TNS1: variants seen among roughly 807,000 people sequenced by gnomAD.
TNS1 encodes tensin-1.
In TNS1, 62 loss-of-function variants were observed where a neutral mutation model predicts 168.6. That is an observed-to-expected ratio of 0.37 (90% CI 0.30 to 0.45). The LOEUF (loss-of-function observed/expected upper bound fraction) is 0.45. Among genes scored for constraint, TNS1 ranks in the 20% least tolerant of loss-of-function variants. The probability of loss-of-function intolerance (pLI) is 1.00; values close to 1 mark genes in which losing one functional copy is unlikely to be tolerated. For missense variants in TNS1, 2,240 were observed against 2,339.4 expected, an observed-to-expected ratio of 0.96 and a Z score of 0.88; for synonymous variants, 934 against 933.2, an observed-to-expected ratio of 1.00 and a Z score of -0.02.
intron 3 of TNS1, among the ~76,000 whole-genome samples, chr2:217,974,728 C>A (rs1957852027): frequency 1.3e-5 from 2 of 152,168 alleles, no homozygotes; most frequent in African/African-American, 4.8e-5. Context: ...GCATTTAATC[C>A]TCTGCAACCC....
intron 18 of TNS1, among the ~76,000 whole-genome samples, chr2:217,867,955 G>C (rs1485022939): frequency 2.0e-5 from 3 of 152,226 alleles, no homozygotes; most frequent in Non-Finnish European, 2.9e-5. Context: ...AACAGGCTCT[G>C]TCAGTTATTT....
chr2:217,882,321 G>A, intron 17 of TNS1, 25 bp downstream of exon 17: 1 of 1,522,668 alleles, frequency 6.6e-7, no homozygotes, highest in Non-Finnish European at 9.1e-7. Context: ...AGGAGTGAGA[G>A]AATGAATTCT....
At chr2:217,888,936 T>C (rs1212117529) in intron 12 of TNS1, among the ~76,000 whole-genome samples, 1 of 152,206 alleles carries the variant, frequency 6.6e-6, no homozygotes, top group Non-Finnish European at 1.5e-5. Context: ...CTACTCAGAC[T>C]CAGAGATGTT....
chr2:217,813,351 C>T lies in TNS1; in HGVS notation c.4862-44G>A. 1 of 1,443,616 alleles carries T rather than the reference C, an allele frequency of 6.9e-7. No individual in the cohort carries two copies. The highest frequency in any genetic ancestry group is 9.5e-7 in the Non-Finnish European group (1 of 1,047,670). 89.4% of individuals were successfully genotyped at this position (1,443,616 alleles called of 1,614,324 possible). On this transcript the variant is annotated intron_variant, in intron 26 of 32. Coordinates refer to ENST00000682258, the MANE Select transcript of TNS1 (RefSeq NM_001387777.1). The surrounding 1 kb of genome is among the most constrained non-coding windows in gnomAD (Gnocchi z 4.0). ...AATAAGGCTCAGTCCCTGCCCATGG[C>T]TTCCTCCCACCACCTCCCAAGACTG...
intron 3 of TNS1, among the ~76,000 whole-genome samples, chr2:217,975,309 C>T (rs960170598): frequency 1.3e-5 from 2 of 152,080 alleles, no homozygotes; most frequent in Admixed American, 6.5e-5. Context: ...CTAAGCCACC[C>T]CCAACATCCT....
intron 3 of TNS1, among the ~76,000 whole-genome samples, chr2:217,951,764 AACACACAC>A (rs747468296): frequency 6.6e-6 from 1 of 151,486 alleles, no homozygotes; most frequent in South Asian, 2.1e-4. Flanking sequence ...AGCTTTATTC[AACACACAC>A]ACACACACAG....
At chr2:217,999,575 G>C (rs1041103690) in intron 1 of TNS1, among the ~76,000 whole-genome samples, 1 of 152,202 alleles carries the variant, frequency 6.6e-6, no homozygotes, top group Non-Finnish European at 1.5e-5. Context: ...TGCAAAAGGA[G>C]AGTCTTATTT....
intron 3 of TNS1, among the ~76,000 whole-genome samples, chr2:217,968,488 A>G (rs1957701201): frequency 6.6e-6 from 1 of 152,206 alleles, no homozygotes; most frequent in Admixed American, 6.5e-5. Flanking sequence ...TATACTGACA[A>G]TGAAAGACCT....
At position 217,837,534 on chromosome 2, in the gene TNS1, C is replaced by T. The variant is rs185716210; in HGVS notation, c.3008-1323G>A. 3.8e-4 allele frequency among the ~76,000 whole-genome samples: 58 copies of T among 152,318 alleles called. No individual in the cohort carries two copies. The East Asian group carries it at 8.5e-3, about 22-fold the overall frequency. On this transcript the variant is annotated intron_variant, in intron 19 of 32. Coordinates refer to ENST00000682258, the MANE Select transcript of TNS1 (RefSeq NM_001387777.1). The stretch of plus-strand genomic sequence containing the variant: ...TCCCATAATCAGGGGCTCCCATAAT[C>T]GGGGGTGGGGGGCGCATCAGGAGAG...
intron 6 of TNS1, among the ~76,000 whole-genome samples, chr2:217,901,313 TG>T (rs1320873969): frequency 1.3e-4 from 20 of 152,194 alleles, no homozygotes; most frequent in African/African-American, 4.6e-4. Flanking sequence ...ACATGTAAAA[TG>T]GGACAACCTT....
intron 18 of TNS1, among the ~76,000 whole-genome samples, chr2:217,854,066 A>G (rs181152527): frequency 1.6e-4 from 24 of 152,346 alleles, no homozygotes; most frequent in African/African-American, 5.0e-4. Context: ...CCCTATCCCC[A>G]GGGACTTCCA....
chr2:217,932,134 G>A (rs1218814565), intron 3 of TNS1, among the ~76,000 whole-genome samples: 1 of 152,118 alleles, frequency 6.6e-6, no homozygotes, highest in Non-Finnish European at 1.5e-5. Flanking sequence ...CCCAAACCTG[G>A]TACCTGGGAG....
intron 8 of TNS1, among the ~76,000 whole-genome samples, chr2:217,896,706 G>A (rs1038621523): frequency 6.6e-6 from 1 of 152,154 alleles, no homozygotes; most frequent in African/African-American, 2.4e-5. Flanking sequence ...TTGGATCTAG[G>A]ACCCCTCCAC....
rs374981803 is a variant in TNS1, at chr2:217,836,070, A to G, written c.3149T>C (p.Val1050Ala). Residue 1050 changes from valine (V) to alanine (A), a missense_variant, in exon 20 of 33, where the codon GTC becomes GCC. Coordinates refer to ENST00000682258, the MANE Select transcript of TNS1 (RefSeq NM_001387777.1). ...SPGVRSPVQC[V>A]SPELALTIAL... ...GATGGTAAGAGCCAGCTCCGGGGAG[A>G]CACACTGGACAGGGGAGCGAACCCC... 1.9e-6 allele frequency: 3 copies of G among 1,613,956 alleles called. No individual in the cohort carries two copies. Among genetic ancestry groups the G allele is most frequent in the Admixed American group, 1.7e-5 (1 of 60,004 alleles).
chr2:218,025,259 T>A (rs1240192083), intron 1 of TNS1, among the ~76,000 whole-genome samples: 1 of 152,194 alleles, frequency 6.6e-6, no homozygotes, highest in Non-Finnish European at 1.5e-5. Context: ...TATTTTATTT[T>A]ATTTTTTGAG....
chr2:218,007,852 T>C (rs981378555), upstream of TNS1, among the ~76,000 whole-genome samples: 1 of 151,974 alleles, frequency 6.6e-6, no homozygotes, highest in African/African-American at 2.4e-5. Flanking sequence ...TCAAGTCCCA[T>C]CCATGCCCTA....
chr2:217,914,307 G>T (rs1480683580), intron 4 of TNS1, among the ~76,000 whole-genome samples: 4 of 152,214 alleles, frequency 2.6e-5, no homozygotes, highest in African/African-American at 7.2e-5. Context: ...GCCTTTCAAA[G>T]TGGGGATTAC....
At position 217,848,357 on chromosome 2, in the gene TNS1, C is replaced by T; in HGVS notation, c.2160G>A (p.Gly720=). ...QEGLAGYQRE[G]PHPAWPQPVT... ...CTGGCTGTGGCCAGGCTGGGTGGGG[C>T]CCCTCCCTCTGGTAGCCAGCTAAAC... The change falls in exon 19 of 33, where the codon GGG becomes GGA. Residue 720 remains glycine, a synonymous_variant. Coordinates refer to ENST00000682258, the MANE Select transcript of TNS1 (RefSeq NM_001387777.1). 6.5e-7 allele frequency: 1 copy of T among 1,540,534 alleles called. No homozygotes were observed. Among genetic ancestry groups the T allele is most frequent in the Non-Finnish European group, 8.8e-7 (1 of 1,141,606 alleles).
rs57512321 is a variant in TNS1 at position 217,880,226 on chromosome 2, T to C, written c.1429+672A>G. Among the ~76,000 whole-genome samples the C allele has an allele frequency of 1.4e-3, 215 of 152,334 alleles. 3 individuals carry two copies. The highest frequency in any genetic ancestry group is 4.8e-3 in the African/African-American group (200 of 41,580). On this transcript the variant is annotated intron_variant, in intron 18 of 32. Coordinates refer to ENST00000682258, the MANE Select transcript of TNS1 (RefSeq NM_001387777.1). The surrounding 1 kb of genome is among the most constrained non-coding windows in gnomAD (Gnocchi z 4.2). ...TAAATAAATAGAATGCATGTAGAACTCTCAAGAGACGACCTGAGTTGCAGT... is the reference window on the plus strand; with the variant it reads ...TAAATAAATAGAATGCATGTAGAACCCTCAAGAGACGACCTGAGTTGCAGT...
Sources: gnomAD v4.1 joint callset for allele counts (sites outside exome capture counted in the v4.1 genomes callset) on GRCh38, gnomAD v4.1.1 for gene constraint, Gnocchi (gnomAD v3.1) non-coding constraint, MANE v1.5 for transcripts, NCBI Gene and HGNC (gene_info 2026-07-23, HGNC 2026-07-21) for gene names.